The following RUFY1 variants were observed in gnomAD, a reference collection of about 807,000 sequenced individuals.
The protein encoded by RUFY1 is RUN and FYVE domain-containing protein 1.
A neutral mutation model predicts 94.6 loss-of-function variants in RUFY1; 54 were observed. The observed-to-expected ratio is 0.57, with a 90% CI of 0.46 to 0.72. The LOEUF is 0.72. RUFY1 is among the 30% of genes least tolerant of loss of function. The probability of loss-of-function intolerance (pLI) is 0.00; values close to 1 mark genes in which losing one functional copy is unlikely to be tolerated. For synonymous variants in RUFY1, 396 were observed against 347.3 expected (o/e 1.14, Z -1.56); for missense variants, 883 against 883.9 (o/e 1.00, Z 0.01).
intron 5 of RUFY1, chr5:179,572,260 A>T: frequency 3.8e-6 from 1 of 261,344 alleles, no homozygotes; most frequent in South Asian, 3.7e-5. Flanking sequence ...CTACAAAGGG[A>T]AGTACGTCGT....
chr5:179,593,736 C>A (rs1765297598), intron 11 of RUFY1, 91 bp downstream of exon 11: 2 of 1,510,142 alleles, frequency 1.3e-6, no homozygotes, highest in African/African-American at 1.4e-5. Flanking sequence ...CGAGTAGACA[C>A]ATAGAGCCCC....
In RUFY1 at chr5:179,550,888, G is replaced by A. The variant is rs1581402348; in HGVS notation, c.310+9G>A. 3.5e-6 allele frequency: 4 copies of A among 1,146,156 alleles called. No individual in the cohort carries two copies. Among genetic ancestry groups the A allele is most frequent in the South Asian group, 4.2e-5 (1 of 23,718 alleles). The allele number at this position is 1,146,156 out of a possible 1,614,324, so 71.0% of individuals were successfully genotyped here. On this transcript the variant is annotated intron_variant, in intron 1 of 17. Coordinates refer to ENST00000319449, the MANE Select transcript of RUFY1 (RefSeq NM_025158.5). Reference sequence around the variant, plus strand: ...CGGCACGGCGCGCGCAGGTAGGCTCGGGCCGGGTCTGTCCCGCGGCGGACT... The same window carrying A: ...CGGCACGGCGCGCGCAGGTAGGCTCAGGCCGGGTCTGTCCCGCGGCGGACT...
chr5:179,560,223 G>T, intron 2 of RUFY1, 25 bp downstream of exon 2: 6 of 1,606,452 alleles, frequency 3.7e-6, no homozygotes, highest in Non-Finnish European at 4.3e-6. Flanking sequence ...GCGTTTGGGA[G>T]CGTGGAAGTT....
Position 179,567,418 on chromosome 5 carries a change from T to C in RUFY1, c.603-43T>C, listed in dbSNP as rs900146247. The C allele has an allele frequency of 3.5e-6, 5 of 1,443,468 alleles. No homozygotes were observed. In the Admixed American group the frequency reaches 8.4e-5, roughly 24 times the overall value. The allele number at this position is 1,443,468 out of a possible 1,614,324, so 89.4% of individuals were successfully genotyped here. ...AAATCAGGTGTCTTTTCTGTGTTTG[T>C]TGTTGTTATGCCACAATAGTTGATT... On this transcript the variant is annotated intron_variant, in intron 3 of 17. Coordinates refer to ENST00000319449, the MANE Select transcript of RUFY1 (RefSeq NM_025158.5).
chr5:179,593,603 A>AG lies in RUFY1; in HGVS notation c.1372dup (p.Glu458GlyfsTer6), dbSNP rs1272559416. 17 of 1,614,066 alleles carry AG rather than the reference A, an allele frequency of 1.1e-5. No individual in the cohort carries two copies. Among genetic ancestry groups the AG allele is most frequent in the Non-Finnish European group, 1.2e-5 (14 of 1,180,038 alleles). ...TAGTTGCCCTCCGCCAGCAGCTGGA[A>AG]GAAGTCAAAGCGATTAATTTACAGA... On this transcript the variant is annotated frameshift_variant, in exon 11 of 18. Transcript: ENST00000319449. LOFTEE classifies it high-confidence loss of function.
In RUFY1 at chr5:179,589,798, C is replaced by T. The variant is rs369880861; in HGVS notation, c.1128+151C>T. ...AGGGCCTCTCACTGCGGTCCCTGCC[C>T]ACATCACTCTCAGACCACCTGGATC... On this transcript the variant is annotated intron_variant, in intron 9 of 17. Transcript: ENST00000319449. 3 of 674,648 alleles carry T rather than the reference C, an allele frequency of 4.4e-6. No individual in the cohort carries two copies. The African/African-American group carries it at 5.4e-5, about 12-fold the overall frequency. The allele number at this position is 674,648 out of a possible 1,614,324, so 41.8% of individuals were successfully genotyped here.
At chr5:179,576,602 G>A (rs1763629995) in intron 5 of RUFY1, among the ~76,000 whole-genome samples, 1 of 152,050 alleles carries the variant, frequency 6.6e-6, no homozygotes, top group South Asian at 2.1e-4. Flanking sequence ...TGTGTTTTTA[G>A]TAGAGACAGG....
At chr5:179,569,752 TTG>T (rs975308742) in intron 5 of RUFY1, among the ~76,000 whole-genome samples, 1 of 151,946 alleles carries the variant, frequency 6.6e-6, no homozygotes, top group Non-Finnish European at 1.5e-5. Flanking sequence ...TTTTTTGTTG[TTG>T]TTTTTTTTGA....
intron 7 of RUFY1, among the ~76,000 whole-genome samples, chr5:179,582,985 A>G (rs1764279661): frequency 6.6e-6 from 1 of 152,050 alleles, no homozygotes; most frequent in African/African-American, 2.4e-5. Flanking sequence ...TAGCTTCTAG[A>G]TCATGGGCAT....
At position 179,588,544 on chromosome 5, in the gene RUFY1, C is replaced by T. The variant is rs1002725835; in HGVS notation, c.1027-1002C>T. Reference sequence around the variant, plus strand: ...TAAGAGGTCCTCTTGGGCATATCTTCAATGATTTGTTTTTTATTCCTCCCT... The same window carrying T: ...TAAGAGGTCCTCTTGGGCATATCTTTAATGATTTGTTTTTTATTCCTCCCT... On this transcript the variant is annotated intron_variant, in intron 8 of 17. Transcript: ENST00000319449. 2.2e-4 allele frequency among the ~76,000 whole-genome samples: 33 copies of T among 152,142 alleles called. 2 individuals carry two copies.
intron 5 of RUFY1, among the ~76,000 whole-genome samples, chr5:179,571,304 C>T (rs553182752): frequency 2.0e-5 from 3 of 151,870 alleles, no homozygotes; most frequent in Admixed American, 1.3e-4. Context: ...GAGACCAGCC[C>T]GGGCAAAATA....
intron 7 of RUFY1, among the ~76,000 whole-genome samples, chr5:179,585,249 G>T (rs150720155): frequency 6.6e-6 from 1 of 151,980 alleles, no homozygotes; most frequent in African/African-American, 2.4e-5. Flanking sequence ...CACCATTTGT[G>T]TTGGGAGAAA....
intron 8 of RUFY1, chr5:179,589,219 C>T: frequency 3.2e-6 from 1 of 309,882 alleles, no homozygotes; most frequent in East Asian, 8.2e-5. Context: ...AACTATTTCC[C>T]TAATAGTGAA....
chr5:179,575,944 G>A (rs1201387311), intron 5 of RUFY1, among the ~76,000 whole-genome samples: 1 of 151,940 alleles, frequency 6.6e-6, no homozygotes, highest in Non-Finnish European at 1.5e-5. Flanking sequence ...ACTGCACCCA[G>A]CTAATGTTTG....
At chr5:179,580,241 G>GTGTATATA (rs149099074) in intron 6 of RUFY1, among the ~76,000 whole-genome samples, 1,363 of 93,806 alleles carry the variant, frequency 0.015, 19 homozygotes, top group African/African-American at 0.035. Flanking sequence ...GTGTGTGTGT[G>GTGTATATA]TATATTTTTT....
rs141168132 is a variant in RUFY1, at chr5:179,554,302, C to T, written c.310+3423C>T. 3.2e-3 allele frequency among the ~76,000 whole-genome samples: 494 copies of T among 152,138 alleles called. 3 individuals carry two copies. Among genetic ancestry groups the T allele is most frequent in the African/African-American group, 0.011 (466 of 41,480 alleles). On this transcript the variant is annotated intron_variant, in intron 1 of 17. Coordinates refer to ENST00000319449, the MANE Select transcript of RUFY1 (RefSeq NM_025158.5). Reference sequence around the variant, plus strand: ...CTGTAATCCCAGCACTTTGGAAGACCGAGGTGGGTGAATCACCTGATGTTG... The same window carrying T: ...CTGTAATCCCAGCACTTTGGAAGACTGAGGTGGGTGAATCACCTGATGTTG...
At position 179,607,683 on chromosome 5, in the gene RUFY1, T is replaced by A. The variant is rs754244856; in HGVS notation, c.1983+24T>A. Reference sequence around the variant, plus strand: ...AGGTACGTGGGGGCTCCACCCACCCTCCCAGTGCCCTGAGTCGTTGCCCGC... The same window carrying A: ...AGGTACGTGGGGGCTCCACCCACCCACCCAGTGCCCTGAGTCGTTGCCCGC... On this transcript the variant is annotated intron_variant, in intron 17 of 17. Transcript: ENST00000319449. 166 of 1,588,006 alleles carry A rather than the reference T, an allele frequency of 1.0e-4. No homozygotes were observed. The Admixed American group carries it at 2.7e-3, about 26-fold the overall frequency.
At chr5:179,608,202 A>C (rs1767314254) in intron 17 of RUFY1, 1 of 750,080 alleles carries the variant, frequency 1.3e-6, no homozygotes, top group African/African-American at 1.9e-5. Flanking sequence ...GTTGGGTATA[A>C]GCAAAACTGG....
intron 1 of RUFY1, among the ~76,000 whole-genome samples, chr5:179,553,049 A>G (rs1761935942): frequency 6.6e-6 from 1 of 152,232 alleles, no homozygotes; most frequent in South Asian, 2.1e-4. Context: ...CCCATGCTTG[A>G]AATTCTTAAT....
Sources: allele counts gnomAD v4.1 joint callset (sites outside exome capture counted in the v4.1 genomes callset), GRCh38; gene constraint gnomAD v4.1.1; transcripts MANE v1.5; gene names NCBI Gene and HGNC (gene_info 2026-07-23, HGNC 2026-07-21).